Variants in TTN observed in about 807,000 individuals in gnomAD.
TTN encodes connectin.
Under a neutral mutation model 3,223.0 loss-of-function variants are expected in TTN, and 1,525 were observed. The ratio of observed to expected loss-of-function variants is 0.47; its 90% CI spans 0.45 to 0.49. The LOEUF is 0.49. Ranked by LOEUF, TTN falls within the 20% of genes least tolerant of loss-of-function variation. The pLI is 0.00. For missense variants in TTN, 40,786 were observed against 43,424.0 expected (o/e 0.94, Z 5.40); for synonymous variants, 14,094 against 15,161.0 (o/e 0.93, Z 5.17).
rs66507451 is a variant in TTN at position 178,769,663 on chromosome 2, A to T, written c.8902+16T>A. 4.3e-6 allele frequency: 5 copies of T among 1,164,152 alleles called. No homozygotes were observed. Among genetic ancestry groups the T allele is most frequent in the Non-Finnish European group, 5.7e-6 (5 of 879,752 alleles). The allele number at this position is 1,164,152 out of a possible 1,614,324, so 72.1% of individuals were successfully genotyped here. The stretch of plus-strand genomic sequence containing the variant: ...TATATATATGTGTATATATATATAT[A>T]TATTTTTTAACTTACGGGTGACTGT... On this transcript the variant is annotated intron_variant, in intron 37 of 362. Transcript: ENST00000589042.
In TTN at chr2:178,526,991, A is replaced by G. The variant is rs1264404494; in HGVS notation, c.*21T>C. On this transcript the variant is annotated 3_prime_UTR_variant, in exon 363 of 363. Coordinates refer to ENST00000589042, the MANE Select transcript of TTN (RefSeq NM_001267550.2). ...TGCGAAAAGTTAAGAATGAGTGTAG[A>G]GTATAAGGGCACAGGCCCTCTTAAA... 1 of 1,577,712 alleles carries G rather than the reference A, an allele frequency of 6.3e-7. No homozygotes were observed. The highest frequency in any genetic ancestry group is 1.2e-5 in the South Asian group (1 of 85,176).
At position 178,532,659 on chromosome 2, in the gene TTN, T is replaced by A. The variant is rs762807450; in HGVS notation, c.103956A>T (p.Arg34652Ser). 6.2e-7 allele frequency: 1 copy of A among 1,613,954 alleles called. No individual in the cohort carries two copies. Among genetic ancestry groups the A allele is most frequent in the East Asian group, 2.2e-5 (1 of 44,880 alleles). Residue 34652 changes from arginine (R) to serine (S), a missense_variant, in exon 358 of 363, where the codon AGA (arginine) becomes AGT (serine). Physicochemically the swap from Arg to Ser is moderately radical, Grantham distance 110. Transcript: ENST00000589042. ...PDYDFYYRPR[R>S]RSLGDISDEE... ...CATCAGAGATGTCCCCAAGAGAACG[T>A]CTTCTAGGTCGGTAGTAAAAGTCAT...
rs1442939015 is a variant in TTN, at chr2:178,719,616, T to C, written c.23876A>G (p.Tyr7959Cys). 2 of 1,613,742 alleles carry C rather than the reference T, an allele frequency of 1.2e-6. No homozygotes were observed. The highest frequency in any genetic ancestry group is 2.2e-5 in the South Asian group (2 of 91,076). ...AACACTGTTTTTCACTTCAAAGCTA[T>C]ATAATCCTTTGTCACTCATTTCGGC... ...PCAEMSDKGL[Y>C]SFEVKNSVGK... The change falls in exon 82 of 363, where the codon TAT becomes TGT. Residue 7959 changes from tyrosine (Y) to cysteine (C), a missense_variant. Physicochemically the swap from Tyr to Cys is radical, Grantham distance 194. Transcript: ENST00000589042.
chr2:178,638,666 A>T (rs2060822947), intron 223 of TTN, among the ~76,000 whole-genome samples: 1 of 151,644 alleles, frequency 6.6e-6, no homozygotes, highest in Admixed American at 6.6e-5. Context: ...AATATCTTAG[A>T]TTCTTCACAT....
intron 6 of TTN, among the ~76,000 whole-genome samples, chr2:178,796,559 C>T (rs2093778271): frequency 6.6e-6 from 1 of 152,088 alleles, no homozygotes; most frequent in Admixed American, 6.5e-5. Flanking sequence ...AAAGGGAAAT[C>T]TAGGGAATAA....
intron 278 of TTN, among the ~76,000 whole-genome samples, chr2:178,606,093 A>AGAT (rs1202225119): frequency 6.6e-6 from 1 of 152,020 alleles, no homozygotes; most frequent in African/African-American, 2.4e-5. Context: ...TTTTATTAAC[A>AGAT]GATAGTGGAT....
chr2:178,704,807 G>A (rs766531550), intron 104 of TTN, 30 bp from the exon 105 acceptor site: 1 of 1,606,586 alleles, frequency 6.2e-7, no homozygotes, highest in Non-Finnish European at 8.5e-7. Flanking sequence ...AAACACATTT[G>A]TTACTCCTTC....
At chr2:178,758,787 C>T (rs769916371) in intron 44 of TTN, 197 bp downstream of exon 44, 16 of 621,552 alleles carry the variant, frequency 2.6e-5, no homozygotes, top group Non-Finnish European at 4.5e-5. Context: ...CCAAATGAAA[C>T]GTGATGGTCT....
Position 178,728,628 on chromosome 2 carries a change from A to G in TTN, c.19298T>C (p.Met6433Thr). The G allele has an allele frequency of 6.2e-7, 1 of 1,613,274 alleles. No homozygotes were observed. Among genetic ancestry groups the G allele is most frequent in the African/African-American group, 1.3e-5 (1 of 75,016 alleles). The change falls in exon 66 of 363, where the codon ATG becomes ACG. Residue 6433 changes from methionine to threonine, a missense_variant. By Grantham distance (81) the Met-to-Thr change is moderately conservative. Transcript: ENST00000589042. ...ACTGGCCACGTTATTTTCAAAACTC[A>G]TTGAAAAGTATCTACTGGGAACTAT... is the stretch of plus-strand genomic sequence containing the variant. ...KQIVPSRYFS[M>T]SFENNVASFR...
chr2:178,587,671 A>G lies in TTN; in HGVS notation c.63638T>C (p.Ile21213Thr). ...APKVTWRKVG[I>T]DNVVRKGQVD... ...TTGTCCTTTTCTGACCACATTATCA[A>G]TGCCAACTTTTCGCCAAGTGACTTT... The change falls in exon 306 of 363, where the codon ATT becomes ACT. Residue 21213 changes from isoleucine (I) to threonine (T), a missense_variant. Ile to Thr is a moderately conservative substitution (Grantham distance 89). Coordinates refer to ENST00000589042, the MANE Select transcript of TTN (RefSeq NM_001267550.2). 1 of 1,612,920 alleles carries G rather than the reference A, an allele frequency of 6.2e-7. No homozygotes were observed. The highest frequency in any genetic ancestry group is 8.5e-7 in the Non-Finnish European group (1 of 1,179,438).
At position 178,777,462 on chromosome 2, in the gene TTN, T is replaced by C. The variant is rs2092354314; in HGVS notation, c.4603A>G (p.Arg1535Gly). The change falls in exon 26 of 363, where the codon AGG (arginine) becomes GGG (glycine). Residue 1535 changes from arginine to glycine, a missense_variant. Arg to Gly is a moderately radical substitution (Grantham distance 125). Coordinates refer to ENST00000589042, the MANE Select transcript of TTN (RefSeq NM_001267550.2). ...SGEWTVVAQNRAGRSSISVIL... is the reference protein window; with the variant it reads ...SGEWTVVAQNGAGRSSISVIL... ...ACTGAAATTGAAGATCTGCCTGCCC[T>C]GTTTTGGGCAACCACAGTCCATTCC... The C allele has an allele frequency of 3.1e-6, 5 of 1,613,942 alleles. No homozygotes were observed. Among genetic ancestry groups the C allele is most frequent in the Non-Finnish European group, 3.4e-6 (4 of 1,179,928 alleles).
In TTN at chr2:178,701,171, G is replaced by A. The variant is rs2074900522; in HGVS notation, c.30631C>T (p.Leu10211Phe). The A allele has an allele frequency of 1.2e-6, 2 of 1,613,570 alleles. No homozygotes were observed. Among genetic ancestry groups the A allele is most frequent in the Non-Finnish European group, 8.5e-7 (1 of 1,179,728 alleles). Residue 10211 changes from leucine to phenylalanine, a missense_variant, in exon 111 of 363, where the codon CTT becomes TTT. Transcript: ENST00000589042. Reference protein sequence around the residue: ...IPPVVAPPIPLLLPTPEEKKP... With the variant: ...IPPVVAPPIPFLLPTPEEKKP... ...TTTTCTTCGGGTGTTGGTAGCAAAA[G>A]GGGGATAGGAGGAGCAACCACAGGA... is the stretch of plus-strand genomic sequence containing the variant.
Position 178,677,691 on chromosome 2 carries a change from C to T in TTN, c.34221G>A (p.Glu11407=), listed in dbSNP as rs1329643443. The T allele has an allele frequency of 1.2e-6, 2 of 1,612,418 alleles. No individual in the cohort carries two copies. The highest frequency in any genetic ancestry group is 1.3e-5 in the African/African-American group (1 of 74,724). ...EVPPEEEYVP[E]EEEFVPEEEV... Reference sequence around the variant, plus strand: ...CTTCTTCAGGTACAAATTCTTCTTCCTCAGGTACATATTCTTCTTCGGGAG... The same window carrying T: ...CTTCTTCAGGTACAAATTCTTCTTCTTCAGGTACATATTCTTCTTCGGGAG... The change falls in exon 146 of 363, where the codon GAG becomes GAA. Residue 11407 remains glutamate (E), a synonymous_variant. Transcript: ENST00000589042.
intron 135 of TTN, 68 bp from the exon 136 acceptor site, chr2:178,681,806 A>G: frequency 1.5e-6 from 2 of 1,325,472 alleles, no homozygotes; most frequent in Non-Finnish European, 2.1e-6. Flanking sequence ...TCTTAAAAGG[A>G]ATCAAATAAT....
rs1060500588 is a variant in TTN, at chr2:178,732,135, C to T, written c.16834G>A (p.Gly5612Ser). ...RLTDVGIEDS[G>S]EYMCEAQNEA... ...TTTTGGGCCTCACACATATATTCAC[C>T]ACTGTCTTCGATGCCAACATCTGTC... Residue 5612 changes from glycine (G) to serine (S), a missense_variant, in exon 57 of 363, where the codon GGT (glycine) becomes AGT (serine). Transcript: ENST00000589042. 1 of 1,613,782 alleles carries T rather than the reference C, an allele frequency of 6.2e-7. No individual in the cohort carries two copies. The highest frequency in any genetic ancestry group is 1.7e-5 in the Admixed American group (1 of 60,004).
intron 43 of TTN, among the ~76,000 whole-genome samples, chr2:178,759,671 T>C (rs2088456902): frequency 6.6e-6 from 1 of 152,180 alleles, no homozygotes; most frequent in Non-Finnish European, 1.5e-5. Flanking sequence ...TAGATACCTT[T>C]GAAGGCTGTA....
rs1376431552 is a variant in TTN, at chr2:178,659,433, C to T, written c.37286-178G>A. On this transcript the variant is annotated intron_variant, in intron 180 of 362. Transcript: ENST00000589042. Reference sequence around the variant, plus strand: ...TAATCCATCATATAAACAGAACCAACGACAAAAACCACATGATTATCTCAA... The same window carrying T: ...TAATCCATCATATAAACAGAACCAATGACAAAAACCACATGATTATCTCAA... 1.8e-4 allele frequency among the ~76,000 whole-genome samples: 25 copies of T among 142,792 alleles called. 1 individual carries two copies. Among genetic ancestry groups the T allele is most frequent in the East Asian group, 1.0e-3 (5 of 4,844 alleles). The allele number at this position is 142,792 out of a possible 152,430, so 93.7% of individuals were successfully genotyped here. A position where few individuals can be genotyped will look rare whatever the true frequency, so the allele number is the denominator to read the frequency against.
At chr2:178,750,812 T>G in intron 47 of TTN, 2 of 1,613,162 alleles carry the variant, frequency 1.2e-6, no homozygotes, top group South Asian at 1.1e-5. Context: ...CTCATATACT[T>G]CCTCCTTCTC....
intron 328 of TTN, 41 bp downstream of exon 328, chr2:178,557,607 G>A: frequency 6.2e-7 from 1 of 1,612,488 alleles, no homozygotes; most frequent in Non-Finnish European, 8.5e-7. Context: ...CACATTTATG[G>A]TAAAAGAAAA....
Sources: gnomAD v4.1 joint callset for allele counts (sites outside exome capture counted in the v4.1 genomes callset) on GRCh38, gnomAD v4.1.1 for gene constraint, MANE v1.5 for transcripts, NCBI Gene and HGNC (gene_info 2026-07-23, HGNC 2026-07-21) for gene names.